PTPRT: variants seen among roughly 807,000 people sequenced by gnomAD.
PTPRT encodes the protein receptor-type tyrosine-protein phosphatase T.
In PTPRT, 56 loss-of-function variants were observed where a neutral mutation model predicts 176.8. That is an observed-to-expected ratio of 0.32 (90% CI 0.26 to 0.40). The LOEUF is 0.40. PTPRT is among the 10% of genes least tolerant of loss of function. The pLI is 1.00. For missense variants in PTPRT, 1,540 were observed against 1,908.2 expected (o/e 0.81, Z 3.60); for synonymous variants, 783 against 739.0 (o/e 1.06, Z -0.96).
chr20:42,883,836 C>T (rs796266947), intron 2 of PTPRT, among the ~76,000 whole-genome samples: 1 of 2,126 alleles, frequency 4.7e-4, no homozygotes, highest in Non-Finnish European at 1.1e-3. Flanking sequence ...ACACACACCC[C>T]CATACACATA....
chr20:42,776,778 T>G (rs1214507816), intron 4 of PTPRT, among the ~76,000 whole-genome samples: 1 of 148,092 alleles, frequency 6.8e-6, no homozygotes, highest in African/African-American at 2.5e-5. Flanking sequence ...GATATATAAA[T>G]GTAAATTATA....
At chr20:42,799,152 G>T in intron 2 of PTPRT, among the ~76,000 whole-genome samples, 1 of 151,886 alleles carries the variant, frequency 6.6e-6, no homozygotes, top group East Asian at 1.9e-4. Context: ...AGGGAAAAGG[G>T]GAAGAGGATG....
At chr20:42,941,878 G>T (rs1038316617) in intron 1 of PTPRT, among the ~76,000 whole-genome samples, 5 of 152,100 alleles carry the variant, frequency 3.3e-5, no homozygotes, top group African/African-American at 7.2e-5. Context: ...ATGATATTGG[G>T]CATGACATGC....
At chr20:42,825,914 A>C (rs188754611) in intron 2 of PTPRT, among the ~76,000 whole-genome samples, 3 of 152,248 alleles carry the variant, frequency 2.0e-5, no homozygotes, top group African/African-American at 7.2e-5. Flanking sequence ...TGGGGCAACC[A>C]GATTATTCTA....
intron 7 of PTPRT, among the ~76,000 whole-genome samples, chr20:42,646,394 C>T (rs1223924702): frequency 6.6e-6 from 1 of 152,026 alleles, no homozygotes; most frequent in Non-Finnish European, 1.5e-5. Context: ...TCCATGGCTG[C>T]TTTCCTGCTA....
At chr20:42,779,683 G>A (rs1431022650) in intron 4 of PTPRT, among the ~76,000 whole-genome samples, 2 of 152,164 alleles carry the variant, frequency 1.3e-5, no homozygotes, top group South Asian at 2.1e-4. Context: ...CGCCTTTGAG[G>A]ACTCTTGACG....
At chr20:43,094,916 T>TA in intron 1 of PTPRT, among the ~76,000 whole-genome samples, 1 of 152,282 alleles carries the variant, frequency 6.6e-6, no homozygotes, top group South Asian at 2.1e-4. Flanking sequence ...TGAAGCAGGT[T>TA]ACCAGGGTAG....
Position 42,511,413 on chromosome 20 carries a change from A to C in PTPRT, c.1154-38851T>G, listed in dbSNP as rs188238274. On this transcript the variant is annotated intron_variant, in intron 7 of 30. Transcript: ENST00000373187. The stretch of plus-strand genomic sequence containing the variant: ...GACCAGGAACACTCAAGGGGAAGAG[A>C]AACTCGAAGGAAGCCAGGACAGGAC... Among the ~76,000 whole-genome samples, 7 of 152,230 alleles carry C rather than the reference A, an allele frequency of 4.6e-5. No individual in the cohort carries two copies. In the East Asian group the frequency reaches 1.4e-3, roughly 29 times the overall value.
At chr20:42,067,094 G>A in the PTPRT span, among the ~76,000 whole-genome samples, 2 of 152,128 alleles carry the variant, frequency 1.3e-5, no homozygotes, top group African/African-American at 4.8e-5. Context: ...CCTTACAAGC[G>A]AAGGTGTGAG....
intron 1 of PTPRT, among the ~76,000 whole-genome samples, chr20:43,090,270 AT>A (rs747388327): frequency 4.2e-3 from 601 of 142,486 alleles, no homozygotes; most frequent in Middle Eastern, 0.029. Flanking sequence ...ACAGGTGACT[AT>A]TTTTTTTTTT....
rs142545114 is a variant in PTPRT, at chr20:42,685,085, C to T, written c.860-6926G>A. On this transcript the variant is annotated intron_variant, in intron 6 of 30. Coordinates refer to ENST00000373187, the MANE Select transcript of PTPRT (RefSeq NM_007050.6). ...CATGCCCGGGGTCTGCACTCCTAAC[C>T]ATTATGATAAAGACAATGGTACATT... Among the ~76,000 whole-genome samples, 24 of 152,260 alleles carry T rather than the reference C, an allele frequency of 1.6e-4. No homozygotes were observed. The East Asian group carries it at 3.7e-3, about 23-fold the overall frequency.
At position 42,077,598 on chromosome 20, in the gene PTPRT, G is replaced by A. The variant is rs138333404; in HGVS notation, c.*3281C>T. On this transcript the variant is annotated 3_prime_UTR_variant, in exon 31 of 31. Transcript: ENST00000373187. ...GAAAATGTTCAAATTCCTGGGCACT[G>A]GTGCCCCATCTCATCCAAGCCTTGC... is the stretch of plus-strand genomic sequence containing the variant. 4 of 218,682 alleles carry A rather than the reference G, an allele frequency of 1.8e-5. No homozygotes were observed. The highest frequency in any genetic ancestry group is 1.7e-4 in the Admixed American group (3 of 17,204). 13.5% of individuals were successfully genotyped at this position (218,682 alleles called of 1,614,324 possible). A position where few individuals can be genotyped will look rare whatever the true frequency, so the allele number is the denominator to read the frequency against.
rs111870241 is a variant in PTPRT at position 42,366,317 on chromosome 20, C to T, written c.1561-14032G>A. On this transcript the variant is annotated intron_variant, in intron 9 of 30. Coordinates refer to ENST00000373187, the MANE Select transcript of PTPRT (RefSeq NM_007050.6). ...GTTATCTGTGCAGAGACACATGCTCCATTTTCCAACTCCTCCCAGACCCCT... is the reference window on the plus strand; with the variant it reads ...GTTATCTGTGCAGAGACACATGCTCTATTTTCCAACTCCTCCCAGACCCCT... 7.5e-3 allele frequency among the ~76,000 whole-genome samples: 1,146 copies of T among 152,330 alleles called. 17 individuals carry two copies. The highest frequency in any genetic ancestry group is 0.026 in the African/African-American group (1,078 of 41,576).
chr20:42,311,939 A>G (rs970943175), intron 12 of PTPRT, among the ~76,000 whole-genome samples: 6 of 152,234 alleles, frequency 3.9e-5, no homozygotes, highest in African/African-American at 1.4e-4. Flanking sequence ...GAAAATGAGC[A>G]GATTTTTATT....
chr20:42,631,560 G>T (rs1000399733), intron 7 of PTPRT, among the ~76,000 whole-genome samples: 1 of 152,166 alleles, frequency 6.6e-6, no homozygotes, highest in African/African-American at 2.4e-5. Flanking sequence ...CAAGCTGTGA[G>T]GTAGGCCCAA....
rs149215149 is a variant in PTPRT at position 42,438,517 on chromosome 20, GC to G, written c.1560+9702del. Among the ~76,000 whole-genome samples the G allele has an allele frequency of 5.0e-3, 765 of 152,266 alleles. 3 individuals are homozygous for G. Among genetic ancestry groups the G allele is most frequent in the African/African-American group, 0.017 (723 of 41,550 alleles). ...GAAATAGAACAATCCTAAGGATGAA[GC>G]TGGAAAAATGGATACATCAAAGGAT... is the stretch of plus-strand genomic sequence containing the variant. On this transcript the variant is annotated intron_variant, in intron 9 of 30. Transcript: ENST00000373187.
intron 1 of PTPRT, among the ~76,000 whole-genome samples, chr20:43,173,893 C>T (rs1277765157): frequency 5.3e-5 from 8 of 152,192 alleles, no homozygotes; most frequent in Non-Finnish European, 1.2e-4. Flanking sequence ...TTCGACATCA[C>T]ATGGTGATTA....
intron 7 of PTPRT, among the ~76,000 whole-genome samples, chr20:42,612,963 T>C (rs1281067981): frequency 6.6e-6 from 1 of 152,196 alleles, no homozygotes. Flanking sequence ...TGTATGTATG[T>C]ATATTTATGC....
At chr20:42,242,155 G>A (rs2056366842) in intron 14 of PTPRT, among the ~76,000 whole-genome samples, 1 of 152,136 alleles carries the variant, frequency 6.6e-6, no homozygotes. Flanking sequence ...CTCTCTGAAG[G>A]CTCAGACCAT....
Sources: allele counts gnomAD v4.1 joint callset (sites outside exome capture counted in the v4.1 genomes callset), GRCh38; gene constraint gnomAD v4.1.1; transcripts MANE v1.5; gene names NCBI Gene and HGNC (gene_info 2026-07-23, HGNC 2026-07-21).